The following FHIT variants were observed in gnomAD, a reference collection of about 807,000 sequenced individuals.
The protein encoded by FHIT is fragile histidine triad diadenosine triphosphatase, also known as bis(5'-adenosyl)-triphosphatase.
FHIT carries 19 observed loss-of-function variants against 17.9 expected under a neutral mutation model. The ratio of observed to expected loss-of-function variants is 1.06; its 90% CI spans 0.74 to 1.56. FHIT has a LOEUF of 1.56. Ranked by LOEUF, FHIT falls within the 40% of genes most tolerant of loss-of-function variation. FHIT has a pLI of 0.00. For missense variants in FHIT, 248 were observed against 189.2 expected (o/e 1.31, Z -1.82); for synonymous variants, 81 against 69.7 (o/e 1.16, Z -0.81).
chr3:60,277,132 C>T (rs1037071819), intron 5 of FHIT, among the ~76,000 whole-genome samples: 8 of 152,132 alleles, frequency 5.3e-5, no homozygotes, highest in African/African-American at 1.7e-4. Flanking sequence ...GCAGTGAAAA[C>T]ATTTAAAATT....
At chr3:61,216,353 C>G (rs1304957235) in intron 1 of FHIT, among the ~76,000 whole-genome samples, 1 of 152,144 alleles carries the variant, frequency 6.6e-6, no homozygotes, top group Non-Finnish European at 1.5e-5. Context: ...AGACACTTCT[C>G]AAAAGAAGAC....
chr3:60,964,504 GT>G (rs1553782390), intron 3 of FHIT, among the ~76,000 whole-genome samples: 1 of 152,162 alleles, frequency 6.6e-6, no homozygotes, highest in East Asian at 1.9e-4. Flanking sequence ...TCGCCCATTA[GT>G]TGGTGCAGTT....
intron 3 of FHIT, among the ~76,000 whole-genome samples, chr3:60,875,957 G>C (rs1459728052): frequency 6.6e-6 from 1 of 151,374 alleles, no homozygotes; most frequent in African/African-American, 2.4e-5. Context: ...GTGTGTGTGT[G>C]TGTGTGTAAA....
At chr3:60,503,253 AAT>A (rs1237636690) in intron 5 of FHIT, among the ~76,000 whole-genome samples, 3 of 152,204 alleles carry the variant, frequency 2.0e-5, no homozygotes, top group Non-Finnish European at 4.4e-5. Flanking sequence ...TCACTTATAA[AAT>A]TAGCATATAT....
At chr3:60,685,851 C>T (rs1559639336) in intron 4 of FHIT, among the ~76,000 whole-genome samples, 1 of 152,108 alleles carries the variant, frequency 6.6e-6, no homozygotes, top group Non-Finnish European at 1.5e-5. Flanking sequence ...CTTAAACAAA[C>T]ATACATATTC....
At chr3:61,043,326 G>A (rs1392971389) in intron 2 of FHIT, among the ~76,000 whole-genome samples, 1 of 151,396 alleles carries the variant, frequency 6.6e-6, no homozygotes, top group Non-Finnish European at 1.5e-5. Context: ...AGCTCGGAGG[G>A]TCCCACGCCT....
chr3:60,504,979 A>G (rs1334251100), intron 5 of FHIT, among the ~76,000 whole-genome samples: 2 of 152,142 alleles, frequency 1.3e-5, no homozygotes, highest in Non-Finnish European at 2.9e-5. Context: ...ATCAAGAAAA[A>G]CCAACAGGTC....
chr3:59,877,221 G>A (rs1452244111), intron 8 of FHIT, among the ~76,000 whole-genome samples: 2 of 152,048 alleles, frequency 1.3e-5, no homozygotes, highest in Non-Finnish European at 2.9e-5. Context: ...CCTTACTATT[G>A]GAACTTTTTG....
At chr3:59,974,915 G>T (rs574059950) in intron 7 of FHIT, among the ~76,000 whole-genome samples, 4 of 152,090 alleles carry the variant, frequency 2.6e-5, no homozygotes, top group African/African-American at 9.7e-5. Context: ...TTCTACCACG[G>T]CTATTCATTA....
chr3:61,127,918 A>G (rs1048714309), intron 2 of FHIT, among the ~76,000 whole-genome samples: 9 of 152,154 alleles, frequency 5.9e-5, no homozygotes, highest in African/African-American at 2.2e-4. Flanking sequence ...TGCTCTACAC[A>G]TCTACACATA....
At chr3:60,398,827 C>A (rs1267013495) in intron 5 of FHIT, among the ~76,000 whole-genome samples, 2 of 151,948 alleles carry the variant, frequency 1.3e-5, no homozygotes, top group African/African-American at 4.8e-5. Context: ...GAAAAAAAAT[C>A]TATGTTTTGG....
chr3:60,859,847 C>G (rs1481175639), intron 3 of FHIT, among the ~76,000 whole-genome samples: 1 of 139,036 alleles, frequency 7.2e-6, no homozygotes, highest in African/African-American at 2.7e-5. Context: ...AGCTCAAGAC[C>G]AGCCTGGCCA....
intron 5 of FHIT, among the ~76,000 whole-genome samples, chr3:60,522,617 C>A (rs945430058): frequency 6.6e-6 from 1 of 152,132 alleles, no homozygotes. Context: ...GAGTACCAGA[C>A]TCAGAACATA....
intron 5 of FHIT, among the ~76,000 whole-genome samples, chr3:60,449,789 G>T (rs530704586): frequency 1.3e-5 from 2 of 152,110 alleles, no homozygotes; most frequent in East Asian, 1.9e-4. Context: ...TGCATCACAA[G>T]GTCAAGAGAT....
intron 5 of FHIT, among the ~76,000 whole-genome samples, chr3:60,343,116 T>A (rs1276167520): frequency 6.6e-6 from 1 of 152,166 alleles, no homozygotes; most frequent in Non-Finnish European, 1.5e-5. Context: ...TATACATTCT[T>A]TCAAAATGTA....
intron 5 of FHIT, among the ~76,000 whole-genome samples, chr3:60,377,345 G>A (rs1048704798): frequency 1.3e-5 from 2 of 151,224 alleles, no homozygotes; most frequent in African/African-American, 4.9e-5. Context: ...TTTTAGTAGA[G>A]ACGGGGTTTC....
intron 4 of FHIT, among the ~76,000 whole-genome samples, chr3:60,666,321 A>G (rs1192711604): frequency 6.6e-6 from 1 of 152,114 alleles, no homozygotes; most frequent in Non-Finnish European, 1.5e-5. Context: ...TCATCTGAGA[A>G]TGTTTTTATT....
intron 5 of FHIT, among the ~76,000 whole-genome samples, chr3:60,067,832 T>C (rs1702586134): frequency 6.6e-6 from 1 of 152,134 alleles, no homozygotes; most frequent in Non-Finnish European, 1.5e-5. Flanking sequence ...TGCCTAACAG[T>C]GATGGTGGGT....
chr3:61,011,183 A>G lies in FHIT; in HGVS notation c.-111+30864T>C, dbSNP rs550922486. ...CTTGTGTAGCTTAGAGAATTTTCCA[A>G]ATCCTTTATAACTGTGGTTGTGGAA... On this transcript the variant is annotated intron_variant, in intron 3 of 9. Transcript: ENST00000492590. Among the ~76,000 whole-genome samples the G allele has an allele frequency of 1.1e-3, 171 of 152,280 alleles. 2 individuals are homozygous for G. The highest frequency in any genetic ancestry group is 4.0e-3 in the African/African-American group (167 of 41,570).
Sources: allele counts gnomAD v4.1 joint callset (sites outside exome capture counted in the v4.1 genomes callset), GRCh38; gene constraint gnomAD v4.1.1; transcripts MANE v1.5; gene names NCBI Gene and HGNC (gene_info 2026-07-23, HGNC 2026-07-21).